The following CD99L2 variants were observed in gnomAD, a reference collection of about 807,000 sequenced individuals.
CD99L2 encodes the protein CD99 antigen-like protein 2.
In CD99L2, 24 loss-of-function variants were observed where a neutral mutation model predicts 27.3. The observed-to-expected ratio is 0.88, with a 90% confidence interval of 0.64 to 1.24. The LOEUF (loss-of-function observed/expected upper bound fraction) is 1.24, where lower values mean the gene tolerates loss of function less well. Ranked by LOEUF, CD99L2 falls within the 50% of genes most tolerant of loss-of-function variation. The pLI is 0.00. For missense variants in CD99L2, 255 were observed against 221.6 expected, an observed-to-expected ratio of 1.15 and a Z score of -0.96; for synonymous variants, 97 against 87.9, an observed-to-expected ratio of 1.10 and a Z score of -0.58.
In CD99L2 at chrX:150,767,895, AC is replaced by A. The variant is rs1355628140; in HGVS notation, c.*1138del. 8.9e-6 allele frequency: 1 copy of A among 111,746 alleles called. No homozygotes were observed. Among genetic ancestry groups the A allele is most frequent in the Non-Finnish European group, 1.9e-5 (1 of 53,043 alleles). The allele number at this position is 111,746 out of a possible 1,213,427, so 9.2% of individuals were successfully genotyped here. Reference sequence around the variant, plus strand: ...GTGGGCCAAAGGAACATTCCAGGAAACCAGCTCTGCTCCAGCCCAAACCAGG... The same window carrying A: ...GTGGGCCAAAGGAACATTCCAGGAAACAGCTCTGCTCCAGCCCAAACCAGG... On this transcript the variant is annotated 3_prime_UTR_variant, in exon 11 of 11. Coordinates refer to ENST00000370377, the MANE Select transcript of CD99L2 (RefSeq NM_031462.4).
At chrX:150,772,164 G>A (rs1569565851) in intron 9 of CD99L2, among the ~76,000 whole-genome samples, 1 of 112,777 alleles carries the variant, frequency 8.9e-6, no homozygotes, top group African/African-American at 3.2e-5. Flanking sequence ...AAACGTCTGC[G>A]GGACTCCTCC....
intron 4 of CD99L2, among the ~76,000 whole-genome samples, chrX:150,798,947 C>T (rs2045859083): frequency 8.9e-6 from 1 of 111,796 alleles, no homozygotes; most frequent in Admixed American, 9.5e-5. Flanking sequence ...GACAGGGTTG[C>T]CCCATGTTGG....
chrX:150,807,425 A>G (rs2046011337), intron 4 of CD99L2, among the ~76,000 whole-genome samples: 1 of 111,492 alleles, frequency 9.0e-6, no homozygotes, highest in South Asian at 3.8e-4. Context: ...TCATGGCAAC[A>G]TGTTGTAGAA....
chrX:150,877,121 T>TAAA (rs782764443), intron 1 of CD99L2, among the ~76,000 whole-genome samples: 32 of 64,055 alleles, frequency 5.0e-4, no homozygotes, highest in South Asian at 2.1e-3. Context: ...TGTCTCTTAA[T>TAAA]AAAAAAAAAA....
intron 2 of CD99L2, among the ~76,000 whole-genome samples, chrX:150,826,355 A>G (rs193075760): frequency 8.9e-6 from 1 of 112,142 alleles, no homozygotes; most frequent in African/African-American, 3.2e-5. Context: ...TATTTGGCAG[A>G]ATCAGAAGTG....
intron 1 of CD99L2, among the ~76,000 whole-genome samples, chrX:150,866,451 C>T (rs1442158923): frequency 9.0e-6 from 1 of 111,082 alleles, no homozygotes; most frequent in South Asian, 3.8e-4. Context: ...GGTACAAAAA[C>T]GCTGGGTGCA....
At chrX:150,878,337 T>TAA (rs782307753) in intron 1 of CD99L2, among the ~76,000 whole-genome samples, 1 of 89,112 alleles carries the variant, frequency 1.1e-5, no homozygotes, top group Non-Finnish European at 2.2e-5. Context: ...AAACTCTGTC[T>TAA]AAAAAAAAAA....
At chrX:150,815,228 T>C (rs2046135238) in intron 3 of CD99L2, among the ~76,000 whole-genome samples, 2 of 112,112 alleles carry the variant, frequency 1.8e-5, no homozygotes, top group African/African-American at 6.5e-5. Flanking sequence ...TTTAACAGTA[T>C]ACTCACTGAC....
rs200427795 is a variant in CD99L2, at chrX:150,816,030, G to A, written c.179C>T (p.Thr60Ile). The A allele has an allele frequency of 1.7e-5, 20 of 1,209,577 alleles. No homozygotes were observed. The South Asian group carries it at 2.5e-4, about 15-fold the overall frequency. Residue 60 changes from threonine (T) to isoleucine (I), a missense_variant, in exon 3 of 11, where the codon ACC becomes ATC. By Grantham distance (89) the Thr-to-Ile change is moderately conservative. Transcript: ENST00000370377. ...ACCTGGAGGTTTTGCCGGAGCTCTG[G>A]TGGTTCCTGGCCTATTGGTTGTGGT... Reference protein sequence around the residue: ...TTTTTNRPGTTRAPAKPPGSG... With the variant: ...TTTTTNRPGTIRAPAKPPGSG...
At position 150,882,558 on chromosome X, in the gene CD99L2, C is replaced by G. The variant is rs189495250; in HGVS notation, c.67+15964G>C. Among the ~76,000 whole-genome samples the G allele has an allele frequency of 1.5e-4, 16 of 108,955 alleles. No homozygotes were observed. The East Asian group carries it at 4.4e-3, about 30-fold the overall frequency. 94.6% of individuals were successfully genotyped at this position (108,955 alleles called of 115,157 possible). The stretch of plus-strand genomic sequence containing the variant: ...TGGCCAACATGGTGAAACCCCATCT[C>G]TACTAAAAATACTAAAAATTAGCCA... On this transcript the variant is annotated intron_variant, in intron 1 of 10. Transcript: ENST00000370377.
intron 1 of CD99L2, among the ~76,000 whole-genome samples, chrX:150,884,727 A>ACC (rs1557422575): frequency 9.0e-6 from 1 of 111,215 alleles, no homozygotes. Context: ...GACCTTGTAG[A>ACC]CCCCCTGAAG....
intron 1 of CD99L2, among the ~76,000 whole-genome samples, chrX:150,833,431 AT>A (rs1231066136): frequency 8.9e-6 from 1 of 111,966 alleles, no homozygotes; most frequent in African/African-American, 3.2e-5. Context: ...TTCCAATGTC[AT>A]TTTTCACAGA....
chrX:150,817,923 A>G (rs1443951597), intron 2 of CD99L2, among the ~76,000 whole-genome samples: 2 of 111,036 alleles, frequency 1.8e-5, no homozygotes, highest in African/African-American at 3.3e-5. Flanking sequence ...AACAACAACC[A>G]TAAGAGAGCT....
intron 1 of CD99L2, 49 bp downstream of exon 1, chrX:150,898,472 CA>C (rs1557423147): frequency 9.6e-7 from 1 of 1,037,325 alleles, no homozygotes; most frequent in Non-Finnish European, 1.3e-6. Flanking sequence ...CCCCTGGGCC[CA>C]CAAGGCGGGG....
intron 1 of CD99L2, among the ~76,000 whole-genome samples, chrX:150,894,571 TTGTGTGTG>T (rs199941967): frequency 6.3e-4 from 63 of 99,860 alleles, no homozygotes; most frequent in Admixed American, 1.8e-3. Flanking sequence ...TTCTTTTGTT[TTGTGTGTG>T]TGTGTGTGTG....
intron 1 of CD99L2, among the ~76,000 whole-genome samples, chrX:150,841,662 T>C (rs1287644401): frequency 2.7e-5 from 3 of 111,320 alleles, no homozygotes; most frequent in African/African-American, 9.8e-5. Flanking sequence ...TGCTCATATA[T>C]CCTGCTACAT....
At chrX:150,895,297 A>G (rs1273682554) in intron 1 of CD99L2, among the ~76,000 whole-genome samples, 1 of 111,923 alleles carries the variant, frequency 8.9e-6, no homozygotes, top group Non-Finnish European at 1.9e-5. Context: ...AGGCACATAC[A>G]GGCAGCATAC....
intron 1 of CD99L2, among the ~76,000 whole-genome samples, chrX:150,840,852 T>C: frequency 9.1e-6 from 1 of 110,254 alleles, no homozygotes; most frequent in African/African-American, 3.3e-5. Context: ...GATGTCCTTA[T>C]TTGTAGGAAA....
rs184872790 is a variant in CD99L2 at position 150,848,045 on chromosome X, C to T, written c.68-16752G>A. Among the ~76,000 whole-genome samples the T allele has an allele frequency of 3.7e-5, 4 of 108,742 alleles. No homozygotes were observed. The South Asian group carries it at 1.7e-3, about 45-fold the overall frequency. 94.4% of individuals were successfully genotyped at this position (108,742 alleles called of 115,157 possible). A position where few individuals can be genotyped will look rare whatever the true frequency, so the allele number is the denominator to read the frequency against. ...CTTCAAGGCACATCACTTCCCTGCT[C>T]AAAACTCCCAAAGGCCTCCTCACTA... On this transcript the variant is annotated intron_variant, in intron 1 of 10. Transcript: ENST00000370377.
Sources: allele counts gnomAD v4.1 joint callset (sites outside exome capture counted in the v4.1 genomes callset), GRCh38; gene constraint gnomAD v4.1.1; transcripts MANE v1.5; gene names NCBI Gene and HGNC (gene_info 2026-07-23, HGNC 2026-07-21).